The following TSC1 variants were observed in gnomAD, a reference collection of about 807,000 sequenced individuals.
TSC1 encodes the protein TSC complex subunit 1, also known as hamartin.
In TSC1, 20 loss-of-function variants were observed where a neutral mutation model predicts 124.3. The observed-to-expected ratio is 0.16, with a 90% CI of 0.11 to 0.23. TSC1 has a LOEUF of 0.23. Among genes scored for constraint, TSC1 ranks in the 10% least tolerant of loss-of-function variants. The probability of loss-of-function intolerance (pLI) is 1.00; values close to 1 mark genes in which losing one functional copy is unlikely to be tolerated. For missense variants in TSC1, 1,124 were observed against 1,448.5 expected (o/e 0.78, Z 3.64); for synonymous variants, 493 against 539.1 (o/e 0.91, Z 1.19).
chr9:132,929,690 T>C (rs1847101516), intron 2 of TSC1, among the ~76,000 whole-genome samples: 1 of 152,246 alleles, frequency 6.6e-6, no homozygotes, highest in South Asian at 2.1e-4. Context: ...TCTCTGAGGC[T>C]ATATTTGTTA....
At chr9:132,915,312 G>A (rs546696803) in intron 8 of TSC1, among the ~76,000 whole-genome samples, 21 of 152,094 alleles carry the variant, frequency 1.4e-4, no homozygotes, top group African/African-American at 4.6e-4. Flanking sequence ...AGACTGTGCC[G>A]CAAAAAAATA....
At chr9:132,945,034 G>GC (rs1420696192), upstream of TSC1, among the ~76,000 whole-genome samples, 4 of 152,062 alleles carry the variant, frequency 2.6e-5, no homozygotes, top group African/African-American at 4.8e-5. Context: ...CCCTGCCCCT[G>GC]CCCCCCGAGT....
chr9:132,896,503 G>C lies in TSC1; in HGVS notation c.3227C>G (p.Thr1076Ser), dbSNP rs2131600316. 2 of 1,614,238 alleles carry C rather than the reference G, an allele frequency of 1.2e-6. No homozygotes were observed. The highest frequency in any genetic ancestry group is 8.5e-7 in the Non-Finnish European group (1 of 1,180,044). ...TGAACTGGGAAGTGAGCCCACAGTG[G>C]TGGGGATGCTGGCAGACGCTTCTCC... ...TMGEASASIP[T>S]TVGSLPSSKS... Residue 1076 changes from threonine (T) to serine (S), a missense_variant, in exon 23 of 23, where the codon ACC (threonine) becomes AGC (serine). This residue lies in a region of TSC1 where 325 missense variants were observed against 383.4 expected (regional missense o/e 0.85). Transcript: ENST00000298552. This position sits in a 1 kb window ranked among gnomAD's most constrained non-coding sequence, Gnocchi z 4.5.
chr9:132,902,632 T>G lies in TSC1; in HGVS notation c.2364A>C (p.Glu788Asp). The G allele has an allele frequency of 1.2e-6, 2 of 1,614,184 alleles. No individual in the cohort carries two copies. Among genetic ancestry groups the G allele is most frequent in the Non-Finnish European group, 1.7e-6 (2 of 1,180,046 alleles). ...GTAATTCCTGGCTCTGGTTGTAGAA[T>G]TCCTCTCGGTCATGCTGCAGCTGTC... is the stretch of plus-strand genomic sequence containing the variant. ...QIRQLQHDRE[E>D]FYNQSQELQT... is the part of the protein sequence containing the mutation. Residue 788 changes from glutamate to aspartate, a missense_variant, in exon 18 of 23, where the codon GAA becomes GAC. Transcript: ENST00000298552. This position sits in a 1 kb window ranked among gnomAD's most constrained non-coding sequence, Gnocchi z 5.2.
At position 132,910,578 on chromosome 9, in the gene TSC1, G is replaced by T. The variant is rs878853959; in HGVS notation, c.1256C>A (p.Pro419His). ...AGACGAGCTGGATCGCACCTTCCTG[G>T]GGGGTGTGACTGTGGCCTGGGGGAG... ...ISLPQATVTP[P>H]RKEERMDSAR... Residue 419 changes from proline to histidine, a missense_variant, in exon 12 of 23, where the codon CCC becomes CAC. Pro to His is a moderately conservative substitution (Grantham distance 77). Transcript: ENST00000298552. 2 of 1,614,060 alleles carry T rather than the reference G, an allele frequency of 1.2e-6. No individual in the cohort carries two copies. Among genetic ancestry groups the T allele is most frequent in the Non-Finnish European group, 1.7e-6 (2 of 1,180,028 alleles).
chr9:132,912,524 C>T, intron 8 of TSC1, 67 bp from the exon 9 acceptor site: 1 of 1,583,980 alleles, frequency 6.3e-7, no homozygotes, highest in Non-Finnish European at 8.6e-7. Flanking sequence ...TTCAGAGTGT[C>T]AACTCAGTGC....
Position 132,927,779 on chromosome 9 carries a change from C to A in TSC1, c.107-475G>T, listed in dbSNP as rs141720362. Among the ~76,000 whole-genome samples the A allele has an allele frequency of 7.5e-3, 1,144 of 152,304 alleles. 12 individuals carry two copies. The highest frequency in any genetic ancestry group is 0.023 in the African/African-American group (937 of 41,570). On this transcript the variant is annotated intron_variant, in intron 3 of 22. Transcript: ENST00000298552. ...TGACCTTGTGATCCGCCCGCCTCGG[C>A]CTCCCCAAGTGCTGGGATTACAGGC... is the stretch of plus-strand genomic sequence containing the variant.
chr9:132,925,825 C>G (rs1846830230), intron 4 of TSC1, 86 bp from the exon 5 acceptor site: 4 of 1,538,120 alleles, frequency 2.6e-6, no homozygotes, highest in Non-Finnish European at 3.6e-6. Context: ...GCTCCAATCT[C>G]TCAAGTCTTG....
At position 132,894,295 on chromosome 9, in the gene TSC1, G is replaced by T; in HGVS notation, c.*1940C>A. 1 of 231,324 alleles carries T rather than the reference G, an allele frequency of 4.3e-6. No individual in the cohort carries two copies. Among genetic ancestry groups the T allele is most frequent in the African/African-American group, 2.2e-5 (1 of 45,278 alleles). The allele number at this position is 231,324 out of a possible 1,614,324, so 14.3% of individuals were successfully genotyped here. A position where few individuals can be genotyped will look rare whatever the true frequency, so the allele number is the denominator to read the frequency against. ...AAAGGCTTTAAGTGCCTGGTATCTT[G>T]TTCTATGGCACAGATCTCTTGGGCA... On this transcript the variant is annotated 3_prime_UTR_variant, in exon 23 of 23. Transcript: ENST00000298552.
chr9:132,918,906 C>T (rs943509299), intron 8 of TSC1, among the ~76,000 whole-genome samples: 38 of 152,044 alleles, frequency 2.5e-4, no homozygotes, highest in African/African-American at 8.0e-4. Context: ...AACACAAAAC[C>T]GAAAAGAAGG....
At position 132,911,516 on chromosome 9, in the gene TSC1, C is replaced by T. The variant is rs397514807; in HGVS notation, c.966G>A (p.Met322Ile). 1.9e-6 allele frequency: 3 copies of T among 1,611,688 alleles called. No homozygotes were observed. The highest frequency in any genetic ancestry group is 2.7e-5 in the African/African-American group (2 of 74,144). The change falls in exon 10 of 23, where the codon ATG becomes ATA. Residue 322 changes from methionine to isoleucine, a missense_variant. By Grantham distance (10) the Met-to-Ile change is conservative. This residue lies in a region of TSC1 where 463 missense variants were observed against 606.8 expected (regional missense o/e 0.76). Transcript: ENST00000298552. ...TCAGAGTCTGAGGTAGCTGCCCTGGCATATTTAACAACATCAGCCGAGACG... is the reference window on the plus strand; with the variant it reads ...TCAGAGTCTGAGGTAGCTGCCCTGGTATATTTAACAACATCAGCCGAGACG... ...YSTSRLMLLNMPGQLPQTLSS... is the reference protein window; with the variant it reads ...YSTSRLMLLNIPGQLPQTLSS...
chr9:132,913,184 T>C (rs948220744), intron 8 of TSC1, among the ~76,000 whole-genome samples: 6 of 152,186 alleles, frequency 3.9e-5, no homozygotes, highest in Non-Finnish European at 8.8e-5. Context: ...CCTCCCACCT[T>C]GGCCTCCCAA....
rs997339959 is a variant in TSC1, at chr9:132,910,581, G to T, written c.1253C>A (p.Pro418His). Residue 418 changes from proline (P) to histidine (H), a missense_variant, in exon 12 of 23, where the codon CCC becomes CAC. Physicochemically the swap from Pro to His is moderately conservative, Grantham distance 77. Around this residue, in one of 5 missense-constraint regions of TSC1, gnomAD observed 463 missense variants for 606.8 expected, o/e 0.76. Coordinates refer to ENST00000298552, the MANE Select transcript of TSC1 (RefSeq NM_000368.5). The stretch of plus-strand genomic sequence containing the variant: ...CGAGCTGGATCGCACCTTCCTGGGG[G>T]GTGTGACTGTGGCCTGGGGGAGTGA... ...HISLPQATVT[P>H]PRKEERMDSA... 2 of 1,614,064 alleles carry T rather than the reference G, an allele frequency of 1.2e-6. No individual in the cohort carries two copies. The highest frequency in any genetic ancestry group is 1.7e-6 in the Non-Finnish European group (2 of 1,180,044).
chr9:132,923,595 A>C lies in TSC1; in HGVS notation c.364-103T>G. The C allele has an allele frequency of 1.3e-6, 2 of 1,531,318 alleles. No homozygotes were observed. Among genetic ancestry groups the C allele is most frequent in the Non-Finnish European group, 1.8e-6 (2 of 1,110,618 alleles). The allele number at this position is 1,531,318 out of a possible 1,614,324, so 94.9% of individuals were successfully genotyped here. On this transcript the variant is annotated intron_variant, in intron 5 of 22. Coordinates refer to ENST00000298552, the MANE Select transcript of TSC1 (RefSeq NM_000368.5). The surrounding 1 kb of genome is among the most constrained non-coding windows in gnomAD (Gnocchi z 4.2). ...GCTCTAAACACTGAGAGAATCACAAATCACAAGTTGACTCACGTACTCATT... is the reference window on the plus strand; with the variant it reads ...GCTCTAAACACTGAGAGAATCACAACTCACAAGTTGACTCACGTACTCATT...
At chr9:132,913,131 T>G (rs995445650) in intron 8 of TSC1, among the ~76,000 whole-genome samples, 1 of 151,976 alleles carries the variant, frequency 6.6e-6, no homozygotes, top group African/African-American at 2.4e-5. Flanking sequence ...GGGGTCTCAC[T>G]TTGTTGCTCA....
At chr9:132,927,171 A>G in intron 4 of TSC1, 30 bp downstream of exon 4, 1 of 1,605,490 alleles carries the variant, frequency 6.2e-7, no homozygotes, top group Non-Finnish European at 8.5e-7. Flanking sequence ...TGAAGAACAT[A>G]TGAAATGCCT....
intron 2 of TSC1, among the ~76,000 whole-genome samples, chr9:132,931,593 T>G (rs1292244210): frequency 3.9e-5 from 6 of 152,218 alleles, no homozygotes; most frequent in Non-Finnish European, 8.8e-5. Context: ...TTGGGTTTTA[T>G]GTGAGATTCT....
At chr9:132,919,013 G>A (rs1003251557) in intron 8 of TSC1, among the ~76,000 whole-genome samples, 6 of 152,210 alleles carry the variant, frequency 3.9e-5, no homozygotes, top group African/African-American at 1.2e-4. Context: ...TCTGAGAAAT[G>A]CATCATTAGG....
intron 2 of TSC1, among the ~76,000 whole-genome samples, chr9:132,930,211 T>A (rs1449105407): frequency 6.6e-6 from 1 of 152,192 alleles, no homozygotes; most frequent in Non-Finnish European, 1.5e-5. Context: ...GCACTCCAGG[T>A]AATTCTTAAA....
Sources: gnomAD v4.1 joint callset for allele counts (sites outside exome capture counted in the v4.1 genomes callset) on GRCh38, gnomAD v4.1.1 for gene constraint, gnomAD v4.1.1 regional missense constraint, Gnocchi (gnomAD v3.1) non-coding constraint, MANE v1.5 for transcripts, NCBI Gene and HGNC (gene_info 2026-07-23, HGNC 2026-07-21) for gene names.